The following TCF7 variants were observed in gnomAD, a reference collection of about 807,000 sequenced individuals.
The protein encoded by TCF7 is transcription factor 7, also known as T-cell-factor-7.
Under a neutral mutation model 46.8 loss-of-function variants are expected in TCF7, and 19 were observed. The observed-to-expected ratio is 0.41, with a 90% CI of 0.28 to 0.60. TCF7 has a LOEUF of 0.60. Ranked by LOEUF, TCF7 falls within the 20% of genes least tolerant of loss-of-function variation. The pLI is 0.35. For synonymous variants in TCF7, 245 were observed against 213.4 expected, an observed-to-expected ratio of 1.15 and a Z score of -1.29; for missense variants, 547 against 504.6, an observed-to-expected ratio of 1.08 and a Z score of -0.81.
At chr5:134,124,035 C>T (rs1334856665) in intron 3 of TCF7, among the ~76,000 whole-genome samples, 1 of 152,054 alleles carries the variant, frequency 6.6e-6, no homozygotes, top group African/African-American at 2.4e-5. Context: ...GGGTCTGGCC[C>T]CCTGATTACT....
chr5:134,121,069 A>G (rs771646552), intron 3 of TCF7, among the ~76,000 whole-genome samples: 1 of 152,144 alleles, frequency 6.6e-6, no homozygotes, highest in Non-Finnish European at 1.5e-5. Context: ...CTGGGGACTC[A>G]GGTGTACAGG....
At chr5:134,143,701 C>T (rs1183942465) in intron 9 of TCF7, 61 bp downstream of exon 9, 3 of 1,600,162 alleles carry the variant, frequency 1.9e-6, no homozygotes, top group Admixed American at 1.7e-5. Context: ...CAAGAGCAGC[C>T]CTCCTCTGAC....
In TCF7 at chr5:134,114,757, T is replaced by A; in HGVS notation, c.-150T>A. The A allele has an allele frequency of 1.2e-6, 1 of 804,810 alleles. No individual in the cohort carries two copies. The highest frequency in any genetic ancestry group is 5.6e-5 in the South Asian group (1 of 17,732). The allele number at this position is 804,810 out of a possible 1,614,324, so 49.9% of individuals were successfully genotyped here. A position where few individuals can be genotyped will look rare whatever the true frequency, so the allele number is the denominator to read the frequency against. Reference sequence around the variant, plus strand: ...TCTGCCCCGCGCCCTAGCCCGCGCCTGCAGCCCGCCCAGGCGGAGTCAGCC... The same window carrying A: ...TCTGCCCCGCGCCCTAGCCCGCGCCAGCAGCCCGCCCAGGCGGAGTCAGCC... On this transcript the variant is annotated 5_prime_UTR_variant, in exon 1 of 10. Coordinates refer to ENST00000342854, the MANE Select transcript of TCF7 (RefSeq NM_003202.5).
At chr5:134,125,253 C>G (rs1757186304) in intron 3 of TCF7, among the ~76,000 whole-genome samples, 1 of 152,240 alleles carries the variant, frequency 6.6e-6, no homozygotes, top group East Asian at 1.9e-4. Flanking sequence ...GCTGGGCCGC[C>G]ATCTGAAACG....
chr5:134,109,912 C>G (rs1405482813), upstream of TCF7, among the ~76,000 whole-genome samples: 1 of 152,200 alleles, frequency 6.6e-6, no homozygotes, highest in African/African-American at 2.4e-5. Flanking sequence ...CTGGCACTCC[C>G]GACCCCTTGG....
intron 2 of TCF7, chr5:134,115,645 C>T (rs1011464369): frequency 3.6e-4 from 518 of 1,431,808 alleles, no homozygotes; most frequent in Non-Finnish European, 4.5e-4. Context: ...CTGACTAATC[C>T]GCCGCCTTCA....
At chr5:134,119,196 G>T (rs1756245649) in intron 3 of TCF7, among the ~76,000 whole-genome samples, 1 of 152,210 alleles carries the variant, frequency 6.6e-6, no homozygotes, top group South Asian at 2.1e-4. Flanking sequence ...GCATTGAGCT[G>T]TGGCTTCTTC....
At chr5:134,116,802 A>G (rs1409309857) in intron 3 of TCF7, among the ~76,000 whole-genome samples, 1 of 152,242 alleles carries the variant, frequency 6.6e-6, no homozygotes, top group East Asian at 1.9e-4. Context: ...GGAGCAGTAC[A>G]GCTGCGCTTT....
chr5:134,142,899 G>A lies in TCF7; in HGVS notation c.918+16G>A, dbSNP rs145901001. ...GGGCCGCAGGGTGAGACCATGGGCA[G>A]GTGGGCTGGCAGGGATGCTCCCCGA... On this transcript the variant is annotated intron_variant, in intron 7 of 9. Transcript: ENST00000342854. 33 of 1,611,570 alleles carry A rather than the reference G, an allele frequency of 2.0e-5. No homozygotes were observed. In the Middle Eastern group the frequency reaches 1.3e-3, roughly 64 times the overall value.
chr5:134,121,814 C>G (rs1450751145), intron 3 of TCF7, among the ~76,000 whole-genome samples: 1 of 152,150 alleles, frequency 6.6e-6, no homozygotes, highest in Non-Finnish European at 1.5e-5. Context: ...TTTCCTGAAG[C>G]ATAATACCCA....
chr5:134,135,018 A>G (rs897288795), intron 3 of TCF7, among the ~76,000 whole-genome samples: 1 of 152,208 alleles, frequency 6.6e-6, no homozygotes, highest in Non-Finnish European at 1.5e-5. Flanking sequence ...CAGTGGCACA[A>G]TCACGGCTCA....
the TCF7 span, among the ~76,000 whole-genome samples, chr5:134,108,973 C>T: frequency 2.0e-5 from 3 of 152,188 alleles, no homozygotes; most frequent in Admixed American, 6.5e-5. Context: ...TGTTGTGTGC[C>T]ATGACATGCA....
intron 9 of TCF7, chr5:134,145,888 C>T (rs1228995235): frequency 2.5e-6 from 4 of 1,569,930 alleles, no homozygotes; most frequent in Non-Finnish European, 3.5e-6. Context: ...GATGTGAGTC[C>T]CACAAACACA....
At chr5:134,126,586 G>A (rs60689905) in intron 3 of TCF7, among the ~76,000 whole-genome samples, 4,613 of 152,308 alleles carry the variant, frequency 0.03, 186 homozygotes, top group African/African-American at 0.096. Context: ...CTATGCCAGG[G>A]GCTTTTACTC....
intron 9 of TCF7, chr5:134,144,782 C>T: frequency 6.2e-7 from 1 of 1,612,468 alleles, no homozygotes; most frequent in Non-Finnish European, 8.5e-7. Context: ...ACCCCTCTGG[C>T]ATGGCTGTGA....
At chr5:134,140,862 T>C (rs1427275701) in intron 5 of TCF7, 1 of 443,136 alleles carries the variant, frequency 2.3e-6, no homozygotes, top group African/African-American at 2.0e-5. Context: ...CTGCCCCCAC[T>C]GCAGCCCCTG....
intron 3 of TCF7, among the ~76,000 whole-genome samples, chr5:134,122,529 ACCCCAT>A (rs1722409970): frequency 6.6e-6 from 1 of 152,058 alleles, no homozygotes; most frequent in Non-Finnish European, 1.5e-5. Context: ...TGGAGACCAT[ACCCCAT>A]CCCCAGCCCC....
intron 3 of TCF7, among the ~76,000 whole-genome samples, chr5:134,137,621 A>G (rs1759087402): frequency 6.6e-6 from 1 of 152,158 alleles, no homozygotes; most frequent in African/African-American, 2.4e-5. Flanking sequence ...ACAAATGGTC[A>G]GACTCAGAAT....
At chr5:134,118,002 A>T (rs186038222) in intron 3 of TCF7, among the ~76,000 whole-genome samples, 4 of 152,342 alleles carry the variant, frequency 2.6e-5, no homozygotes, top group Admixed American at 2.6e-4. Context: ...CTGTATGTGA[A>T]TGTAGGAGAA....
Sources: allele counts gnomAD v4.1 joint callset (sites outside exome capture counted in the v4.1 genomes callset), GRCh38; gene constraint gnomAD v4.1.1; transcripts MANE v1.5; gene names NCBI Gene and HGNC (gene_info 2026-07-23, HGNC 2026-07-21).